MNAT1: variants seen among roughly 807,000 people sequenced by gnomAD.
The protein encoded by MNAT1 is CDK-activating kinase assembly factor MAT1.
A neutral mutation model predicts 42.0 loss-of-function variants in MNAT1; 43 were observed. That is an observed-to-expected ratio of 1.02 (90% CI 0.80 to 1.32). The LOEUF (loss-of-function observed/expected upper bound fraction) is 1.32, where lower values mean the gene tolerates loss of function less well. Among genes scored for constraint, MNAT1 ranks in the 40% most tolerant of loss-of-function variants. MNAT1 has a pLI of 0.00. For synonymous variants in MNAT1, 118 were observed against 120.0 expected, an observed-to-expected ratio of 0.98 and a Z score of 0.11; for missense variants, 306 against 350.4, an observed-to-expected ratio of 0.87 and a Z score of 1.01.
intron 7 of MNAT1, among the ~76,000 whole-genome samples, chr14:60,934,616 C>T (rs2035954300): frequency 6.6e-6 from 1 of 152,216 alleles, no homozygotes; most frequent in African/African-American, 2.4e-5. Flanking sequence ...TGTCTTTCAC[C>T]TCCTACCATG....
chr14:60,864,239 A>C (rs2034158213), intron 6 of MNAT1, among the ~76,000 whole-genome samples: 2 of 151,822 alleles, frequency 1.3e-5, no homozygotes, highest in African/African-American at 4.8e-5. Context: ...TTTTAAACAA[A>C]TGAGCACATT....
At chr14:60,927,646 T>C (rs1391834805) in intron 7 of MNAT1, among the ~76,000 whole-genome samples, 2 of 152,212 alleles carry the variant, frequency 1.3e-5, no homozygotes, top group Non-Finnish European at 2.9e-5. Flanking sequence ...CAATTGAACA[T>C]GCTCTAGGGG....
intron 1 of MNAT1, among the ~76,000 whole-genome samples, chr14:60,785,008 A>G (rs2031601141): frequency 6.6e-6 from 1 of 152,214 alleles, no homozygotes; most frequent in African/African-American, 2.4e-5. Context: ...GTGTACCACC[A>G]TGCCCAGCTA....
At chr14:60,787,046 C>A (rs2031674247) in intron 1 of MNAT1, among the ~76,000 whole-genome samples, 1 of 152,092 alleles carries the variant, frequency 6.6e-6, no homozygotes, top group Non-Finnish European at 1.5e-5. Flanking sequence ...CAAATGCTAG[C>A]TTGGTTTAGT....
intron 7 of MNAT1, among the ~76,000 whole-genome samples, chr14:60,890,949 C>T (rs1183546937): frequency 1.3e-5 from 2 of 152,180 alleles, no homozygotes; most frequent in South Asian, 2.1e-4. Context: ...CACTATTAAC[C>T]ATCACACAGA....
At position 60,831,680 on chromosome 14, in the gene MNAT1, T is replaced by C. The variant is rs1347471330; in HGVS notation, c.687+12833T>C. On this transcript the variant is annotated intron_variant, in intron 6 of 7. Coordinates refer to ENST00000261245, the MANE Select transcript of MNAT1 (RefSeq NM_002431.4). ...TATAGTAGAATGATTTATAATACTT[T>C]GGGTATATACTCAGTAATGGGATTG... Among the ~76,000 whole-genome samples, 2 of 152,220 alleles carry C rather than the reference T, an allele frequency of 1.3e-5. 1 individual carries two copies.
At chr14:60,886,863 T>G (rs1054054219) in intron 7 of MNAT1, among the ~76,000 whole-genome samples, 1 of 152,152 alleles carries the variant, frequency 6.6e-6, no homozygotes, top group Non-Finnish European at 1.5e-5. Flanking sequence ...TATTTTATTT[T>G]TCTTGTCTAA....
At chr14:60,929,790 G>A (rs2035848248) in intron 7 of MNAT1, among the ~76,000 whole-genome samples, 1 of 152,168 alleles carries the variant, frequency 6.6e-6, no homozygotes, top group African/African-American at 2.4e-5. Flanking sequence ...AAATTATGAG[G>A]AAACATTTTA....
At chr14:60,917,626 T>G (rs2035552265) in intron 7 of MNAT1, among the ~76,000 whole-genome samples, 1 of 149,860 alleles carries the variant, frequency 6.7e-6, no homozygotes, top group Non-Finnish European at 1.5e-5. Flanking sequence ...TTTTTGTTTC[T>G]TTTTTGTTTT....
At chr14:60,762,098 T>A (rs1200081899) in intron 1 of MNAT1, among the ~76,000 whole-genome samples, 1 of 152,190 alleles carries the variant, frequency 6.6e-6, no homozygotes, top group Non-Finnish European at 1.5e-5. Context: ...TCTTCCTTCT[T>A]TTCCTATTAC....
chr14:60,818,872 T>C (rs1236711869), intron 6 of MNAT1, 25 bp downstream of exon 6: 2 of 1,602,978 alleles, frequency 1.2e-6, no homozygotes, highest in Middle Eastern at 1.7e-4. Context: ...AATTGCTTGT[T>C]TGAAAGATAT....
In MNAT1 at chr14:60,738,603, A is replaced by G. The variant is rs113507552; in HGVS notation, c.89+3652A>G. On this transcript the variant is annotated intron_variant, in intron 1 of 7. Coordinates refer to ENST00000261245, the MANE Select transcript of MNAT1 (RefSeq NM_002431.4). Reference sequence around the variant, plus strand: ...GCCCAGGCTGGAGTGCAATGGCGTGATAGCTCACCACAACCTCTGCCTCCC... The same window carrying G: ...GCCCAGGCTGGAGTGCAATGGCGTGGTAGCTCACCACAACCTCTGCCTCCC... 5.5e-4 allele frequency among the ~76,000 whole-genome samples: 83 copies of G among 151,844 alleles called. 1 individual carries two copies. The highest frequency in any genetic ancestry group is 1.9e-3 in the African/African-American group (80 of 41,368).
At chr14:60,785,594 A>G (rs942992560) in intron 1 of MNAT1, among the ~76,000 whole-genome samples, 3 of 152,300 alleles carry the variant, frequency 2.0e-5, no homozygotes, top group Admixed American at 6.5e-5. Flanking sequence ...ATAGCCCCAC[A>G]TTCTCTGTAT....
At chr14:60,832,938 A>G (rs1349520100) in intron 6 of MNAT1, among the ~76,000 whole-genome samples, 2 of 152,144 alleles carry the variant, frequency 1.3e-5, no homozygotes, top group East Asian at 1.9e-4. Context: ...TATTTGTAGC[A>G]ATTGTGAATG....
chr14:60,776,058 G>T (rs986206315), intron 1 of MNAT1, among the ~76,000 whole-genome samples: 2 of 152,204 alleles, frequency 1.3e-5, no homozygotes, highest in Non-Finnish European at 2.9e-5. Context: ...TAGATAGATG[G>T]CTTCAACCAT....
At chr14:60,935,666 G>A (rs1292106373) in intron 7 of MNAT1, among the ~76,000 whole-genome samples, 2 of 152,238 alleles carry the variant, frequency 1.3e-5, no homozygotes, top group East Asian at 1.9e-4. Context: ...AATGACAAGT[G>A]ATGGAGAAAT....
chr14:60,828,532 G>GTT (rs751114934), intron 6 of MNAT1, among the ~76,000 whole-genome samples: 2 of 141,736 alleles, frequency 1.4e-5, no homozygotes, highest in East Asian at 2.0e-4. Context: ...ACCAAAATGT[G>GTT]TTTTTTTTTT....
At chr14:60,925,471 A>T (rs976919677) in intron 7 of MNAT1, among the ~76,000 whole-genome samples, 18 of 152,082 alleles carry the variant, frequency 1.2e-4, no homozygotes, top group African/African-American at 3.9e-4. Flanking sequence ...GCTGTACAGG[A>T]TGTCTAGTTA....
intron 6 of MNAT1, among the ~76,000 whole-genome samples, chr14:60,838,535 A>G (rs1486541638): frequency 1.3e-5 from 2 of 151,460 alleles, no homozygotes; most frequent in African/African-American, 4.9e-5. Context: ...TTATTTTTCT[A>G]GTTTCTAAAG....
Sources: allele counts gnomAD v4.1 joint callset (sites outside exome capture counted in the v4.1 genomes callset), GRCh38; gene constraint gnomAD v4.1.1; transcripts MANE v1.5; gene names NCBI Gene and HGNC (gene_info 2026-07-23, HGNC 2026-07-21).